The following RPH3A variants were observed in gnomAD, a reference collection of about 807,000 sequenced individuals.
RPH3A encodes the protein rabphilin-3A.
A neutral mutation model predicts 102.2 loss-of-function variants in RPH3A; 48 were observed. The ratio of observed to expected loss-of-function variants is 0.47; its 90% confidence interval spans 0.37 to 0.60. RPH3A has a LOEUF of 0.60. Among genes scored for constraint, RPH3A ranks in the 20% least tolerant of loss-of-function variants. The pLI is 0.00. For synonymous variants in RPH3A, 310 were observed against 324.3 expected (o/e 0.96, Z 0.47); for missense variants, 781 against 910.1 (o/e 0.86, Z 1.83).
intron 4 of RPH3A, chr12:112,841,906 G>C: frequency 2.2e-6 from 1 of 455,656 alleles, no homozygotes; most frequent in Non-Finnish European, 4.4e-6. Context: ...CTCTCTCTCT[G>C]TCCGTCTGTC....
intron 1 of RPH3A, among the ~76,000 whole-genome samples, chr12:112,741,128 G>A (rs577538335): frequency 2.0e-5 from 3 of 150,880 alleles, no homozygotes; most frequent in Admixed American, 2.0e-4. Flanking sequence ...GGCAACTTCT[G>A]TGTAGTAGGC....
intron 1 of RPH3A, among the ~76,000 whole-genome samples, chr12:112,776,694 GA>G (rs2136075565): frequency 6.6e-6 from 1 of 152,002 alleles, no homozygotes; most frequent in Non-Finnish European, 1.5e-5. Context: ...CTAACATGGT[GA>G]AACCCCGTCT....
At chr12:112,788,461 A>C (rs1329619554), upstream of RPH3A, among the ~76,000 whole-genome samples, 1 of 152,222 alleles carries the variant, frequency 6.6e-6, no homozygotes, top group Non-Finnish European at 1.5e-5. Context: ...CTTTGGAGTC[A>C]GACAGACCTG....
rs115370107 is a variant in RPH3A, at chr12:112,882,022, C to T, written c.1326+176C>T. On this transcript the variant is annotated intron_variant, in intron 15 of 21. Coordinates refer to ENST00000389385, the MANE Select transcript of RPH3A (RefSeq NM_001143854.2). Reference sequence around the variant, plus strand: ...TAAAGTATGTTCCAGGGGTCATTCTCCCTTGGGTAGGGGCTCTGCCCATTT... The same window carrying T: ...TAAAGTATGTTCCAGGGGTCATTCTTCCTTGGGTAGGGGCTCTGCCCATTT... 2.1e-3 allele frequency among the ~76,000 whole-genome samples: 313 copies of T among 152,308 alleles called. 1 individual carries two copies. Among genetic ancestry groups the T allele is most frequent in the African/African-American group, 7.2e-3 (298 of 41,562 alleles).
chr12:112,675,399 A>G (rs1269591370), intron 1 of RPH3A, among the ~76,000 whole-genome samples: 3 of 152,318 alleles, frequency 2.0e-5, no homozygotes, highest in African/African-American at 7.2e-5. Context: ...TCCAACATTA[A>G]TGGAACCATT....
chr12:112,876,600 C>T (rs879913951), intron 12 of RPH3A, 42 bp from the exon 13 acceptor site: 23 of 1,399,748 alleles, frequency 1.6e-5, no homozygotes, highest in Non-Finnish European at 2.1e-5. Context: ...TGTTATGAAA[C>T]AGGGATGCAG....
chr12:112,776,652 A>G (rs1369818956), intron 1 of RPH3A, among the ~76,000 whole-genome samples: 1 of 152,012 alleles, frequency 6.6e-6, no homozygotes, highest in Non-Finnish European at 1.5e-5. Flanking sequence ...AGGTGGGAGG[A>G]TCACAAGGTT....
chr12:112,773,944 T>C (rs1817532984), intron 1 of RPH3A, among the ~76,000 whole-genome samples: 1 of 151,100 alleles, frequency 6.6e-6, no homozygotes, highest in African/African-American at 2.4e-5. Flanking sequence ...TAACTGGGCA[T>C]AGAGGCTCAT....
intron 1 of RPH3A, among the ~76,000 whole-genome samples, chr12:112,726,639 T>G (rs905400275): frequency 6.6e-6 from 1 of 152,214 alleles, no homozygotes; most frequent in African/African-American, 2.4e-5. Context: ...TTTTTCCCCC[T>G]TGTTTCTCTT....
chr12:112,884,685 G>T (rs1256693327), intron 16 of RPH3A, among the ~76,000 whole-genome samples: 1 of 152,194 alleles, frequency 6.6e-6, no homozygotes, highest in African/African-American at 2.4e-5. Flanking sequence ...AATTTTACAA[G>T]ACATGCAAAC....
intron 1 of RPH3A, among the ~76,000 whole-genome samples, chr12:112,776,141 C>T (rs1383462266): frequency 1.3e-5 from 2 of 152,100 alleles, no homozygotes; most frequent in Non-Finnish European, 2.9e-5. Flanking sequence ...ACTTGGTTTC[C>T]AAATCATTTA....
At chr12:112,616,544 C>T (rs2039681418) in intron 1 of RPH3A, among the ~76,000 whole-genome samples, 1 of 152,122 alleles carries the variant, frequency 6.6e-6, no homozygotes, top group Admixed American at 6.6e-5. Context: ...ACCTTAATTC[C>T]AAGACAAAAT....
At chr12:112,606,061 C>T (rs2039594189) in intron 1 of RPH3A, among the ~76,000 whole-genome samples, 1 of 152,166 alleles carries the variant, frequency 6.6e-6, no homozygotes, top group South Asian at 2.1e-4. Context: ...TGAGCAGCCA[C>T]TTATCTATGT....
chr12:112,629,237 A>G (rs1349459669), intron 1 of RPH3A, among the ~76,000 whole-genome samples: 2 of 152,182 alleles, frequency 1.3e-5, no homozygotes, highest in Non-Finnish European at 2.9e-5. Flanking sequence ...CACAGAGCTC[A>G]GATAGGGTAT....
intron 2 of RPH3A, among the ~76,000 whole-genome samples, chr12:112,793,350 C>T (rs2041162402): frequency 6.6e-6 from 1 of 152,222 alleles, no homozygotes; most frequent in Non-Finnish European, 1.5e-5. Flanking sequence ...GGGGCCACCT[C>T]AGTGTTCTGC....
At chr12:112,797,018 C>T (rs1346153931) in intron 2 of RPH3A, among the ~76,000 whole-genome samples, 2 of 152,114 alleles carry the variant, frequency 1.3e-5, no homozygotes, top group African/African-American at 4.8e-5. Context: ...CCACTGCACT[C>T]CAGCCTAGGG....
intron 1 of RPH3A, among the ~76,000 whole-genome samples, chr12:112,779,189 C>A (rs1362683600): frequency 6.6e-6 from 1 of 152,126 alleles, no homozygotes; most frequent in African/African-American, 2.4e-5. Flanking sequence ...AGCCACTGGA[C>A]CCCCAAGTGA....
At chr12:112,805,159 GC>G (rs1374321735) in intron 2 of RPH3A, among the ~76,000 whole-genome samples, 1 of 152,094 alleles carries the variant, frequency 6.6e-6, no homozygotes, top group African/African-American at 2.4e-5. Flanking sequence ...AAAGATTGGT[GC>G]CCCTTTTTTG....
At chr12:112,880,587 A>C (rs1356340417) in intron 14 of RPH3A, among the ~76,000 whole-genome samples, 1 of 152,128 alleles carries the variant, frequency 6.6e-6, no homozygotes, top group Non-Finnish European at 1.5e-5. Context: ...AGCCCCATTG[A>C]ACAAGTGGGG....
Sources: allele counts gnomAD v4.1 joint callset (sites outside exome capture counted in the v4.1 genomes callset), GRCh38; gene constraint gnomAD v4.1.1; transcripts MANE v1.5; gene names NCBI Gene and HGNC (gene_info 2026-07-23, HGNC 2026-07-21).